Variants in PCDH11X observed in about 807,000 individuals in gnomAD.
PCDH11X encodes protocadherin 11 X-linked.
In PCDH11X, 18 loss-of-function variants were observed where a neutral mutation model predicts 53.3. The ratio of observed to expected loss-of-function variants is 0.34; its 90% CI spans 0.23 to 0.50. The LOEUF is 0.50. Ranked by LOEUF, PCDH11X falls within the 20% of genes least tolerant of loss-of-function variation. The pLI, the probability that PCDH11X is intolerant of heterozygous loss-of-function variation, is 0.98. For missense variants in PCDH11X, 570 were observed against 1,032.4 expected, an observed-to-expected ratio of 0.55 and a Z score of 6.14; for synonymous variants, 279 against 393.3, an observed-to-expected ratio of 0.71 and a Z score of 3.44.
intron 7 of PCDH11X, among the ~76,000 whole-genome samples, chrX:92,241,264 G>T (rs2067257457): frequency 9.0e-6 from 1 of 111,656 alleles, no homozygotes; most frequent in Admixed American, 9.6e-5. Flanking sequence ...ATATATAGGT[G>T]ACTATAGTTC....
intron 6 of PCDH11X, among the ~76,000 whole-genome samples, chrX:91,904,186 A>G (rs2563466): frequency 0.47 from 51,304 of 109,650 alleles, 8,714 homozygotes; most frequent in East Asian, 0.67. Flanking sequence ...ATATTATGTT[A>G]GTGCAAAGGT....
rs756498812 is a variant in PCDH11X, at chrX:92,587,431, C to G, written c.3368-30833C>G. On this transcript the variant is annotated intron_variant, in intron 10 of 10. Transcript: ENST00000682573. Reference sequence around the variant, plus strand: ...GAATTTTGAAAGACTGGGATTTTCTCTATTACTTAAAACATATTCTACATC... The same window carrying G: ...GAATTTTGAAAGACTGGGATTTTCTGTATTACTTAAAACATATTCTACATC... 6.5e-4 allele frequency among the ~76,000 whole-genome samples: 72 copies of G among 110,569 alleles called. 1 individual carries two copies. The highest frequency in any genetic ancestry group is 1.7e-3 in the Admixed American group (18 of 10,309).
intron 5 of PCDH11X, among the ~76,000 whole-genome samples, chrX:91,840,262 T>C (rs1444200295): frequency 8.9e-6 from 1 of 111,949 alleles, no homozygotes; most frequent in Non-Finnish European, 1.9e-5. Context: ...AACAGTCACA[T>C]TTCTGTACTA....
intron 8 of PCDH11X, among the ~76,000 whole-genome samples, chrX:92,265,697 G>A (rs898555803): frequency 2.7e-5 from 3 of 110,900 alleles, no homozygotes; most frequent in Non-Finnish European, 5.7e-5. Context: ...GAGGAATGGT[G>A]ATACATCGAG....
chrX:92,073,482 A>C lies in PCDH11X; in HGVS notation c.3034-127893A>C, dbSNP rs1227889622. On this transcript the variant is annotated intron_variant, in intron 6 of 10. Coordinates refer to ENST00000682573, the MANE Select transcript of PCDH11X (RefSeq NM_032968.5). Reference sequence around the variant, plus strand: ...CAATTCTCATTCCATATCTAATACAATGAGTGGAAACTGGAAAGCTAACTG... The same window carrying C: ...CAATTCTCATTCCATATCTAATACACTGAGTGGAAACTGGAAAGCTAACTG... 2.7e-5 allele frequency among the ~76,000 whole-genome samples: 3 copies of C among 112,574 alleles called. No individual in the cohort carries two copies. The East Asian group carries it at 8.4e-4, about 32-fold the overall frequency.
At chrX:92,562,522 T>C (rs1034308435) in intron 10 of PCDH11X, among the ~76,000 whole-genome samples, 2 of 106,350 alleles carry the variant, frequency 1.9e-5, no homozygotes, top group Non-Finnish European at 3.8e-5. Flanking sequence ...AAAAGCTTTT[T>C]TTTTTCTCTG....
intron 6 of PCDH11X, among the ~76,000 whole-genome samples, chrX:91,961,407 C>A (rs982299475): frequency 1.8e-5 from 2 of 110,740 alleles, no homozygotes; most frequent in African/African-American, 6.6e-5. Context: ...CAAGGATGTC[C>A]ACTCTTGCCC....
intron 10 of PCDH11X, among the ~76,000 whole-genome samples, chrX:92,482,259 G>A (rs1033221864): frequency 9.8e-5 from 11 of 111,715 alleles, no homozygotes; most frequent in African/African-American, 3.6e-4. Flanking sequence ...TACAATAATA[G>A]CATTCTTCTT....
chrX:91,982,998 A>G, intron 6 of PCDH11X: 1 of 1,181,298 alleles, frequency 8.5e-7, no homozygotes, highest in Non-Finnish European at 1.1e-6. Flanking sequence ...GCCAACTGCA[A>G]AGTTGCTCTG....
chrX:92,500,519 A>G (rs1355061189), intron 10 of PCDH11X, among the ~76,000 whole-genome samples: 1 of 111,536 alleles, frequency 9.0e-6, no homozygotes, highest in African/African-American at 3.3e-5. Context: ...TTGTAATAAC[A>G]TATAAGCCTG....
chrX:91,831,875 C>T (rs1296713826), intron 4 of PCDH11X, among the ~76,000 whole-genome samples: 2 of 90,885 alleles, frequency 2.2e-5, no homozygotes, highest in Non-Finnish European at 4.3e-5. Flanking sequence ...GTGGCTAAAC[C>T]TCCATGAGTT....
chrX:92,245,045 C>T (rs770942802), intron 7 of PCDH11X, among the ~76,000 whole-genome samples: 19 of 112,142 alleles, frequency 1.7e-4, no homozygotes, highest in Non-Finnish European at 3.6e-4. Context: ...AAAATAAGAG[C>T]TGCACAATAT....
At chrX:91,902,250 A>T (rs1056383005) in intron 6 of PCDH11X, among the ~76,000 whole-genome samples, 1 of 110,340 alleles carries the variant, frequency 9.1e-6, no homozygotes, top group Non-Finnish European at 1.9e-5. Flanking sequence ...AAACATCTTA[A>T]TCTAGTCTCT....
chrX:92,074,278 CA>C (rs1011778195), intron 6 of PCDH11X, among the ~76,000 whole-genome samples: 1 of 110,884 alleles, frequency 9.0e-6, no homozygotes, highest in Non-Finnish European at 1.9e-5. Flanking sequence ...TGGAAAAGTA[CA>C]AAAACGATGG....
intron 8 of PCDH11X, among the ~76,000 whole-genome samples, chrX:92,369,086 AATG>A (rs760276036): frequency 8.2e-5 from 8 of 97,611 alleles, no homozygotes; most frequent in Non-Finnish European, 1.7e-4. Context: ...AGCAGGCAGG[AATG>A]ATGATATCTG....
rs192355066 is a variant in PCDH11X at position 91,935,406 on chromosome X, A to G, written c.3033+56133A>G. On this transcript the variant is annotated intron_variant, in intron 6 of 10. Coordinates refer to ENST00000682573, the MANE Select transcript of PCDH11X (RefSeq NM_032968.5). ...TTATATTTCCCAGCTTCTTATTGTC[A>G]TTTATCTTAAAGATAAATTATTTTT... is the stretch of plus-strand genomic sequence containing the variant. Among the ~76,000 whole-genome samples, 63 of 110,481 alleles carry G rather than the reference A, an allele frequency of 5.7e-4. 1 individual carries two copies. In the Admixed American group the frequency reaches 5.8e-3, roughly 10 times the overall value.
rs190458251 is a variant in PCDH11X, at chrX:92,575,104, T to A, written c.3368-43160T>A. 5.8e-3 allele frequency among the ~76,000 whole-genome samples: 641 copies of A among 111,195 alleles called. 1 individual carries two copies. The highest frequency in any genetic ancestry group is 0.02 in the South Asian group (53 of 2,689). ...TCATTCTATTTGGTTTGCTATATTA[T>A]TTTATTTGAAATCAATCATACTATA... On this transcript the variant is annotated intron_variant, in intron 10 of 10. Transcript: ENST00000682573.
In PCDH11X at chrX:91,796,396, T is replaced by A. The variant is rs1168025487; in HGVS notation, c.-378-13070T>A. ...GAGAAAATTTTAGGTGTAGTTTTTT[T>A]AATTGCATAACTATTTTGAAACTAC... On this transcript the variant is annotated intron_variant, in intron 1 of 10. Transcript: ENST00000682573. 4.2e-4 allele frequency among the ~76,000 whole-genome samples: 47 copies of A among 111,551 alleles called. 1 individual carries two copies. The highest frequency in any genetic ancestry group is 7.0e-4 in the Non-Finnish European group (37 of 53,036).
At chrX:92,192,445 C>A (rs1008315795) in intron 6 of PCDH11X, among the ~76,000 whole-genome samples, 16 of 110,974 alleles carry the variant, frequency 1.4e-4, no homozygotes, top group African/African-American at 4.9e-4. Flanking sequence ...TGGGTTCAAG[C>A]GATTCTCCTG....
Sources: gnomAD v4.1 joint callset for allele counts (sites outside exome capture counted in the v4.1 genomes callset) on GRCh38, gnomAD v4.1.1 for gene constraint, MANE v1.5 for transcripts, NCBI Gene and HGNC (gene_info 2026-07-23, HGNC 2026-07-21) for gene names.